CFAP61: variants seen among roughly 807,000 people sequenced by gnomAD.
CFAP61 encodes cilia- and flagella-associated protein 61.
A neutral mutation model predicts 135.6 loss-of-function variants in CFAP61; 107 were observed. That is an observed-to-expected ratio of 0.79 (90% CI 0.67 to 0.93). CFAP61 has a LOEUF of 0.93. CFAP61 is among the 40% of genes least tolerant of loss of function. CFAP61 has a pLI of 0.00. For missense variants in CFAP61, 1,507 were observed against 1,556.2 expected, an observed-to-expected ratio of 0.97 and a Z score of 0.53; for synonymous variants, 575 against 578.5, an observed-to-expected ratio of 0.99 and a Z score of 0.09.
intron 6 of CFAP61, among the ~76,000 whole-genome samples, chr20:20,090,170 C>G (rs2047082816): frequency 6.6e-6 from 1 of 152,088 alleles, no homozygotes; most frequent in Admixed American, 6.6e-5. Flanking sequence ...CATCCCACAC[C>G]CACACATGCC....
chr20:20,302,706 C>T (rs1438110601), intron 25 of CFAP61, among the ~76,000 whole-genome samples: 1 of 151,914 alleles, frequency 6.6e-6, no homozygotes, highest in Non-Finnish European at 1.5e-5. Context: ...AGGGGTAGTG[C>T]CCTTGCCCCA....
intron 8 of CFAP61, among the ~76,000 whole-genome samples, chr20:20,124,195 T>G (rs1355677643): frequency 6.6e-6 from 1 of 151,646 alleles, no homozygotes; most frequent in Non-Finnish European, 1.5e-5. Context: ...CAGTGACAGT[T>G]TGACTTCCTC....
At chr20:20,147,655 A>G (rs1600961442) in intron 9 of CFAP61, among the ~76,000 whole-genome samples, 1 of 152,230 alleles carries the variant, frequency 6.6e-6, no homozygotes, top group East Asian at 1.9e-4. Context: ...TTTGTTGGGT[A>G]CATAGTTTGC....
At chr20:20,199,642 T>C in intron 16 of CFAP61, 126 bp from the exon 17 acceptor site, 2 of 965,546 alleles carry the variant, frequency 2.1e-6, no homozygotes, top group South Asian at 3.4e-5. Context: ...GTTTATTTGC[T>C]GATTTTTTTT....
chr20:20,099,233 C>A (rs1004695919), intron 8 of CFAP61, among the ~76,000 whole-genome samples: 1 of 152,200 alleles, frequency 6.6e-6, no homozygotes, highest in Non-Finnish European at 1.5e-5. Context: ...TCCCAACTTT[C>A]AGTGCTTCTG....
At chr20:20,175,619 A>C (rs6112806) in intron 13 of CFAP61, among the ~76,000 whole-genome samples, 16 of 151,842 alleles carry the variant, frequency 1.1e-4, no homozygotes, top group Non-Finnish European at 1.0e-4. Flanking sequence ...TCTGACTCCC[A>C]GGTTTCACGC....
At chr20:20,320,153 C>T (rs1043619972) in intron 25 of CFAP61, among the ~76,000 whole-genome samples, 13 of 150,482 alleles carry the variant, frequency 8.6e-5, no homozygotes, top group African/African-American at 3.2e-4. Context: ...TATGAATTAG[C>T]ATAGTTTTTA....
At chr20:20,316,016 T>C (rs1039159068) in intron 25 of CFAP61, among the ~76,000 whole-genome samples, 1 of 152,246 alleles carries the variant, frequency 6.6e-6, no homozygotes, top group Non-Finnish European at 1.5e-5. Flanking sequence ...GACTTGGCGA[T>C]GCGGGCTCTT....
chr20:20,070,510 T>C (rs953474577), intron 2 of CFAP61, among the ~76,000 whole-genome samples: 2 of 152,174 alleles, frequency 1.3e-5, no homozygotes, highest in African/African-American at 4.8e-5. Context: ...CATAGATGTT[T>C]AGGCCAAACA....
At chr20:20,085,180 G>A in intron 6 of CFAP61, 1 of 985,426 alleles carries the variant, frequency 1.0e-6, no homozygotes, top group Non-Finnish European at 1.2e-6. Flanking sequence ...GTGACGCTGC[G>A]GTGCCAAATT....
chr20:20,262,425 C>T (rs1407125621), intron 20 of CFAP61, among the ~76,000 whole-genome samples: 2 of 152,172 alleles, frequency 1.3e-5, no homozygotes, highest in African/African-American at 4.8e-5. Context: ...GGCCAACAAC[C>T]CCAGCTCAGA....
At chr20:20,354,033 G>A (rs999062460) in intron 26 of CFAP61, among the ~76,000 whole-genome samples, 6 of 152,176 alleles carry the variant, frequency 3.9e-5, no homozygotes, top group African/African-American at 1.4e-4. Context: ...TATGCTTATT[G>A]CAGCTTATTC....
At chr20:20,337,338 ATAGATGGGTGGGTGGG>A (rs1370515869) in intron 25 of CFAP61, among the ~76,000 whole-genome samples, 1 of 114,998 alleles carries the variant, frequency 8.7e-6, no homozygotes, top group African/African-American at 3.3e-5. Flanking sequence ...GGATGGATGG[ATAGATGGGTGGGTGGG>A]TGGATGGATG....
intron 9 of CFAP61, 132 bp from the exon 10 acceptor site, chr20:20,159,238 A>G: frequency 1.4e-6 from 1 of 721,552 alleles, no homozygotes; most frequent in Admixed American, 2.3e-5. Flanking sequence ...GAGGTTACAT[A>G]ATTTTCCCAA....
chr20:20,080,816 AC>A (rs2046379907), intron 6 of CFAP61, among the ~76,000 whole-genome samples: 1 of 152,076 alleles, frequency 6.6e-6, no homozygotes, highest in African/African-American at 2.4e-5. Context: ...ATCTTGGCCA[AC>A]ATGGTGAAAC....
chr20:20,285,280 G>GTTT (rs74180987), intron 22 of CFAP61, among the ~76,000 whole-genome samples: 4 of 143,562 alleles, frequency 2.8e-5, no homozygotes, highest in Admixed American at 6.9e-5. Flanking sequence ...AGCATGGTTT[G>GTTT]TTTTTTTTGT....
rs56102210 is a variant in CFAP61, at chr20:20,251,712, C to T, written c.2277C>T (p.Asp759=). The change falls in exon 20 of 27, where the codon GAC becomes GAT. Residue 759 remains aspartate (D), a synonymous_variant. Transcript: ENST00000245957. ...RAAKHVVLST[D]EIVPYDHLIL... ...CCAAGCACGTTGTGCTTTCCACGGA[C>T]GAGATCGTGCCCTACGACCACCTCA... 177,022 of 1,613,976 alleles carry T rather than the reference C, an allele frequency of 0.11. 10,352 individuals carry two copies. Among genetic ancestry groups the T allele is most frequent in the Middle Eastern group, 0.16 (960 of 6,060 alleles).
At chr20:20,235,251 C>T (rs1181862064) in intron 18 of CFAP61, among the ~76,000 whole-genome samples, 3 of 152,092 alleles carry the variant, frequency 2.0e-5, no homozygotes, top group Non-Finnish European at 4.4e-5. Flanking sequence ...ACATTAAACT[C>T]TCCCCTCCTT....
chr20:20,164,930 C>G (rs551467505), intron 11 of CFAP61, among the ~76,000 whole-genome samples: 98 of 152,270 alleles, frequency 6.4e-4, no homozygotes, highest in Non-Finnish European at 1.1e-3. Flanking sequence ...AAGGGGTTTC[C>G]CCTTATAAAA....
Sources: allele counts gnomAD v4.1 joint callset (sites outside exome capture counted in the v4.1 genomes callset), GRCh38; gene constraint gnomAD v4.1.1; transcripts MANE v1.5; gene names NCBI Gene and HGNC (gene_info 2026-07-23, HGNC 2026-07-21).